Variants in GALNT16 observed in about 807,000 individuals in gnomAD.
The protein encoded by GALNT16 is UDP-GalNAc:polypeptide N-acetylgalactosaminyltransferase-like protein 1.
A neutral mutation model predicts 76.1 loss-of-function variants in GALNT16; 40 were observed. That is an observed-to-expected ratio of 0.53 (90% CI 0.41 to 0.68). GALNT16 has a LOEUF of 0.68. Ranked by LOEUF, GALNT16 falls within the 30% of genes least tolerant of loss-of-function variation. The probability of loss-of-function intolerance (pLI) is 0.00; values close to 1 mark genes in which losing one functional copy is unlikely to be tolerated. For synonymous variants in GALNT16, 276 were observed against 285.2 expected, an observed-to-expected ratio of 0.97 and a Z score of 0.32; for missense variants, 621 against 731.9, an observed-to-expected ratio of 0.85 and a Z score of 1.75.
At chr14:69,285,077 T>G (rs936766558) in intron 1 of GALNT16, among the ~76,000 whole-genome samples, 4 of 148,804 alleles carry the variant, frequency 2.7e-5, no homozygotes, top group Non-Finnish European at 5.9e-5. Flanking sequence ...GTGTCGCTCT[T>G]TCGCCCAGGC....
At chr14:69,380,383 G>A in the GALNT16 span, 1 of 454,282 alleles carries the variant, frequency 2.2e-6, no homozygotes, top group Non-Finnish European at 3.9e-6. Context: ...GTTTCCGATT[G>A]AACAAGATCC....
At position 69,316,783 on chromosome 14, in the gene GALNT16, G is replaced by C. The variant is rs1055250271; in HGVS notation, c.178-3928G>C. On this transcript the variant is annotated intron_variant, in intron 1 of 14. Transcript: ENST00000448469. ...GGGGGCTTGTAGTCTGTGAGGGGGG[G>C]GGGCACTGAAGGTCACGTGATGTAT... 7.4e-4 allele frequency among the ~76,000 whole-genome samples: 53 copies of C among 72,036 alleles called. 2 individuals are homozygous for C. Among genetic ancestry groups the C allele is most frequent in the Non-Finnish European group, 1.3e-3 (42 of 31,994 alleles). The allele number at this position is 72,036 out of a possible 152,430, so 47.3% of individuals were successfully genotyped here.
chr14:69,305,054 G>A (rs1423058650), intron 1 of GALNT16, among the ~76,000 whole-genome samples: 1 of 150,256 alleles, frequency 6.7e-6, no homozygotes, highest in Non-Finnish European at 1.5e-5. Flanking sequence ...ACTGTTTTCT[G>A]TAGCAGCTGC....
downstream of GALNT16, chr14:69,357,873 T>C (rs181882126): frequency 1.3e-5 from 2 of 152,670 alleles, no homozygotes; most frequent in Non-Finnish European, 2.9e-5. Context: ...CGTTTGCACA[T>C]TTAAGTCCCA....
Position 69,260,348 on chromosome 14 carries a change from A to G in GALNT16, c.58A>G (p.Thr20Ala), listed in dbSNP as rs535265512. 1.5e-5 allele frequency: 24 copies of G among 1,612,622 alleles called. No homozygotes were observed. The African/African-American group carries it at 1.7e-4, about 12-fold the overall frequency. Reference sequence around the variant, plus strand: ...CCTGACCGTAGCCTGGATCCTGGGCACTTTCTACTACTTATGGCAGGACAA... The same window carrying G: ...CCTGACCGTAGCCTGGATCCTGGGCGCTTTCTACTACTTATGGCAGGACAA... Reference protein sequence around the residue: ...AILTVAWILGTFYYLWQDNRA... With the variant: ...AILTVAWILGAFYYLWQDNRA... The change falls in exon 1 of 15, where the codon ACT (threonine) becomes GCT (alanine). Residue 20 changes from threonine to alanine, a missense_variant. Coordinates refer to ENST00000448469, the MANE Select transcript of GALNT16 (RefSeq NM_001168368.2).
chr14:69,298,919 G>A (rs767262127), intron 1 of GALNT16, among the ~76,000 whole-genome samples: 26 of 152,206 alleles, frequency 1.7e-4, no homozygotes, highest in African/African-American at 6.3e-4. Context: ...CAGAGATCCC[G>A]ACACTCAACT....
chr14:69,300,607 T>A (rs1177647451), intron 1 of GALNT16, among the ~76,000 whole-genome samples: 1 of 152,210 alleles, frequency 6.6e-6, no homozygotes, highest in Non-Finnish European at 1.5e-5. Context: ...ACTTGGGGTG[T>A]GCCCATTTAA....
At chr14:69,263,894 G>A (rs1397020153) in intron 1 of GALNT16, among the ~76,000 whole-genome samples, 1 of 152,214 alleles carries the variant, frequency 6.6e-6, no homozygotes, top group Non-Finnish European at 1.5e-5. Flanking sequence ...TGCTGTACCC[G>A]ATGCAGCGAG....
chr14:69,322,957 T>TGC (rs1372418662), intron 2 of GALNT16, among the ~76,000 whole-genome samples: 1 of 71,812 alleles, frequency 1.4e-5, no homozygotes, highest in Non-Finnish European at 2.3e-5. Context: ...TGTGTGTGTG[T>TGC]GTGTGTGTGT....
At chr14:69,321,751 C>G (rs1210402094) in intron 2 of GALNT16, among the ~76,000 whole-genome samples, 1 of 152,210 alleles carries the variant, frequency 6.6e-6, no homozygotes, top group Non-Finnish European at 1.5e-5. Flanking sequence ...CTGTCCTCTC[C>G]TCCATGGAAG....
intron 1 of GALNT16, among the ~76,000 whole-genome samples, chr14:69,292,778 T>C (rs918008848): frequency 6.6e-6 from 1 of 152,232 alleles, no homozygotes; most frequent in Non-Finnish European, 1.5e-5. Flanking sequence ...TGATTTGCTG[T>C]ACACAGTGGC....
rs771082985 is a variant in GALNT16 at position 69,320,703 on chromosome 14, C to G, written c.178-8C>G. On this transcript the variant is annotated splice_polypyrimidine_tract_variant and splice_region_variant and intron_variant, in intron 1 of 14. Coordinates refer to ENST00000448469, the MANE Select transcript of GALNT16 (RefSeq NM_001168368.2). ...TGTGGTCCTCTCTGATGCTGACCTT[C>G]ATCTCAGGTGACAGGAACTCCCTCG... The G allele has an allele frequency of 6.2e-7, 1 of 1,612,726 alleles. No individual in the cohort carries two copies. The highest frequency in any genetic ancestry group is 1.3e-5 in the African/African-American group (1 of 74,906).
At chr14:69,380,151 T>C in the GALNT16 span, 1 of 159,756 alleles carries the variant, frequency 6.3e-6, no homozygotes, top group African/African-American at 2.4e-5. Flanking sequence ...CATTTATTTA[T>C]TTTTACCAAG....
At chr14:69,383,503 C>T in the GALNT16 span, among the ~76,000 whole-genome samples, 1 of 152,158 alleles carries the variant, frequency 6.6e-6, no homozygotes, top group African/African-American at 2.4e-5. Context: ...CCTTATTTCT[C>T]CTGAATATTC....
In GALNT16 at chr14:69,328,462, C is replaced by G; in HGVS notation, c.581C>G (p.Ser194Cys). 1 of 1,614,042 alleles carries G rather than the reference C, an allele frequency of 6.2e-7. No individual in the cohort carries two copies. Among genetic ancestry groups the G allele is most frequent in the Non-Finnish European group, 8.5e-7 (1 of 1,179,964 alleles). The change falls in exon 6 of 15, where the codon TCC (serine) becomes TGC (cysteine). Residue 194 changes from serine to cysteine, a missense_variant. Transcript: ENST00000448469. ...RNDRREGLIR[S>C]RVRGADVAAA... Reference sequence around the variant, plus strand: ...ACTCCTCTTGTAGGGCTGATCCGGTCCCGAGTGCGTGGGGCGGACGTGGCT... The same window carrying G: ...ACTCCTCTTGTAGGGCTGATCCGGTGCCGAGTGCGTGGGGCGGACGTGGCT...
At chr14:69,283,785 C>A (rs35120418) in intron 1 of GALNT16, among the ~76,000 whole-genome samples, 61,200 of 152,034 alleles carry the variant, frequency 0.4, 12,960 homozygotes, top group East Asian at 0.62. Flanking sequence ...TGCTGCATTC[C>A]TTTTGTTTGT....
At chr14:69,312,289 T>C (rs769283672) in intron 1 of GALNT16, among the ~76,000 whole-genome samples, 3 of 152,102 alleles carry the variant, frequency 2.0e-5, no homozygotes, top group African/African-American at 7.2e-5. Context: ...GATCAGTCCG[T>C]GTTCGATAGA....
chr14:69,340,386 A>G (rs909196348), intron 11 of GALNT16, among the ~76,000 whole-genome samples: 3 of 152,200 alleles, frequency 2.0e-5, no homozygotes, highest in Non-Finnish European at 4.4e-5. Context: ...TAGATTACTT[A>G]TAATACCTAA....
chr14:69,372,652 T>A, the GALNT16 span, among the ~76,000 whole-genome samples: 1 of 152,030 alleles, frequency 6.6e-6, no homozygotes, highest in Non-Finnish European at 1.5e-5. Context: ...CATGCCACCA[T>A]GCCTGGGATC....
Sources: gnomAD v4.1 joint callset for allele counts (sites outside exome capture counted in the v4.1 genomes callset) on GRCh38, gnomAD v4.1.1 for gene constraint, MANE v1.5 for transcripts, NCBI Gene and HGNC (gene_info 2026-07-23, HGNC 2026-07-21) for gene names.